Variants in PCDH1 observed in about 807,000 individuals in gnomAD.
The protein encoded by PCDH1 is protocadherin 1.
Under a neutral mutation model 74.6 loss-of-function variants are expected in PCDH1, and 23 were observed. The ratio of observed to expected loss-of-function variants is 0.31; its 90% CI spans 0.22 to 0.44. The LOEUF is 0.44. PCDH1 is among the 20% of genes least tolerant of loss of function. The probability of loss-of-function intolerance (pLI) is 1.00; values close to 1 mark genes in which losing one functional copy is unlikely to be tolerated. For missense variants in PCDH1, 1,214 were observed against 1,641.4 expected, an observed-to-expected ratio of 0.74 and a Z score of 4.50; for synonymous variants, 647 against 686.1, an observed-to-expected ratio of 0.94 and a Z score of 0.89.
Position 141,864,235 on chromosome 5 carries a change from A to G in PCDH1, c.2096T>C (p.Val699Ala), listed in dbSNP as rs769526137. 2 of 1,609,804 alleles carry G rather than the reference A, an allele frequency of 1.2e-6. No homozygotes were observed. The highest frequency in any genetic ancestry group is 1.7e-5 in the Admixed American group (1 of 59,930). ...DGGVPPRSAY[V>A]GVTINVLDEN... ...GTCCAGCACATTGATGGTGACACCA[A>G]CGTAAGCTGAGCGAGGTGGGACGCC... Residue 699 changes from valine to alanine, a missense_variant, in exon 3 of 5, where the codon GTT becomes GCT. By Grantham distance (64) the Val-to-Ala change is moderately conservative. This residue lies in a region of PCDH1 where 836 missense variants were observed against 1,182.2 expected (regional missense o/e 0.71). Coordinates refer to ENST00000287008, the MANE Select transcript of PCDH1 (RefSeq NM_032420.5). The surrounding 1 kb of genome is among the most constrained non-coding windows in gnomAD (Gnocchi z 5.9).
rs556594071 is a variant in PCDH1, at chr5:141,854,311, C to T, written c.3445G>A (p.Ala1149Thr). The T allele has an allele frequency of 1.3e-5, 21 of 1,613,474 alleles. No homozygotes were observed. The South Asian group carries it at 1.9e-4, about 14-fold the overall frequency. The change falls in exon 5 of 5, where the codon GCC becomes ACC. Residue 1149 changes from alanine to threonine, a missense_variant. Physicochemically the swap from Ala to Thr is moderately conservative, Grantham distance 58. Coordinates refer to ENST00000287008, the MANE Select transcript of PCDH1 (RefSeq NM_032420.5). ...GGCACGAAGGTGGAGAGTTTGAGGG[C>T]GCTGCTCTTGGTCCGGCGGCTGGGA... ...SSPSRRTKSS[A>T]LKLSTFVPYQ... is the part of the protein sequence containing the mutation.
Position 141,857,335 on chromosome 5 carries a change from A to T in PCDH1, c.3236T>A (p.Leu1079His). The change falls in exon 4 of 5, where the codon CTC becomes CAC. Residue 1079 changes from leucine (L) to histidine (H), a missense_variant. This residue lies in a region of PCDH1 where 836 missense variants were observed against 1,182.2 expected (regional missense o/e 0.71). Coordinates refer to ENST00000287008, the MANE Select transcript of PCDH1 (RefSeq NM_032420.5). The part of the protein sequence containing the change: ...PSSKSSSGPR[L>H]GPLALPEDHY... ...ATCCTCAGGCAGGGCCAGGGGACCG[A>T]GTCGAGGCCCTGAGGATGACTTGCT... 1.2e-6 allele frequency: 2 copies of T among 1,613,878 alleles called. No individual in the cohort carries two copies. The highest frequency in any genetic ancestry group is 1.7e-6 in the Non-Finnish European group (2 of 1,179,916).
At chr5:141,876,905 G>T (rs1753253797) in intron 1 of PCDH1, among the ~76,000 whole-genome samples, 1 of 152,246 alleles carries the variant, frequency 6.6e-6, no homozygotes, top group Non-Finnish European at 1.5e-5. Context: ...GGAACCTGGG[G>T]CCCCAGAGCT....
At chr5:141,854,484 C>A in intron 4 of PCDH1, 48 bp from the exon 5 acceptor site, 1 of 1,547,302 alleles carries the variant, frequency 6.5e-7, no homozygotes, top group South Asian at 1.2e-5. Context: ...ACAGCCTCTG[C>A]AAAGCTCTGC....
rs1302531365 is a variant in PCDH1, at chr5:141,853,955, G to A, written c.*87C>T. The A allele has an allele frequency of 8.2e-7, 1 of 1,225,742 alleles. No individual in the cohort carries two copies. Among genetic ancestry groups the A allele is most frequent in the African/African-American group, 1.5e-5 (1 of 65,948 alleles). The allele number at this position is 1,225,742 out of a possible 1,614,324, so 75.9% of individuals were successfully genotyped here. A position where few individuals can be genotyped will look rare whatever the true frequency, so the allele number is the denominator to read the frequency against. On this transcript the variant is annotated 3_prime_UTR_variant, in exon 5 of 5. Transcript: ENST00000287008. ...GGGCCCTGGCCAGGAAGTCCACGCTGAAGGGGTGGAGAGTGAGGCCCTGGA... is the reference window on the plus strand; with the variant it reads ...GGGCCCTGGCCAGGAAGTCCACGCTAAAGGGGTGGAGAGTGAGGCCCTGGA...
At chr5:141,872,707 A>C (rs1753123719) in intron 1 of PCDH1, among the ~76,000 whole-genome samples, 1 of 152,136 alleles carries the variant, frequency 6.6e-6, no homozygotes. Flanking sequence ...TCCGCTCCCC[A>C]CACGCTCTTT....
At position 141,865,134 on chromosome 5, in the gene PCDH1, A is replaced by G. The variant is rs150389579; in HGVS notation, c.1197T>C (p.Asp399=). Residue 399 remains aspartate (D), a synonymous_variant, in exon 3 of 5, where the codon GAT becomes GAC. Transcript: ENST00000287008. This position sits in a 1 kb window ranked among gnomAD's most constrained non-coding sequence, Gnocchi z 4.4. ...CATCCTCTGAGATGTTAGCCATCCCATCTTGATGAGTCACTAGCCCTATGC... is the reference window on the plus strand; with the variant it reads ...CATCCTCTGAGATGTTAGCCATCCCGTCTTGATGAGTCACTAGCCCTATGC... ...IRGIGLVTHQ[D]GMANISEDVA... is the part of the protein sequence containing the mutation. 3.1e-5 allele frequency: 50 copies of G among 1,614,062 alleles called. No homozygotes were observed. The African/African-American group carries it at 6.5e-4, about 21-fold the overall frequency.
At position 141,868,209 on chromosome 5, in the gene PCDH1, CT is replaced by C. The variant is rs571742843; in HGVS notation, c.903+359del. ...ACTCTCATCTCAGGAGAGATTCTACCTGGATAAACGGTGATTCCTTTGTTCC... is the reference window on the plus strand; with the variant it reads ...ACTCTCATCTCAGGAGAGATTCTACCGGATAAACGGTGATTCCTTTGTTCC... On this transcript the variant is annotated intron_variant, in intron 2 of 4. Transcript: ENST00000287008. The surrounding 1 kb of genome is among the most constrained non-coding windows in gnomAD (Gnocchi z 4.8). Among the ~76,000 whole-genome samples the C allele has an allele frequency of 1.3e-5, 2 of 152,180 alleles. No individual in the cohort carries two copies. The highest frequency in any genetic ancestry group is 1.3e-4 in the Admixed American group (2 of 15,278).
chr5:141,861,285 G>T (rs1326491672), intron 3 of PCDH1, among the ~76,000 whole-genome samples: 1 of 152,064 alleles, frequency 6.6e-6, no homozygotes, highest in Admixed American at 6.6e-5. Flanking sequence ...TTTCATCAGG[G>T]TCTAGTACCA....
At chr5:141,857,190 T>C in intron 4 of PCDH1, 62 bp downstream of exon 4, 10 of 1,367,178 alleles carry the variant, frequency 7.3e-6, no homozygotes, top group Non-Finnish European at 8.9e-6. Context: ...TTTAAGGCCT[T>C]GTCACCATTC....
intron 4 of PCDH1, 62 bp from the exon 5 acceptor site, chr5:141,854,498 A>G: frequency 3.3e-6 from 5 of 1,506,760 alleles, no homozygotes; most frequent in Admixed American, 4.0e-5. Flanking sequence ...GCTCTGCTTC[A>G]TGGCCTCCCA....
chr5:141,855,921 C>T (rs1752317314), intron 4 of PCDH1, among the ~76,000 whole-genome samples: 1 of 152,102 alleles, frequency 6.6e-6, no homozygotes. Context: ...CTGTCCCTGT[C>T]CTGCCCTTGC....
In PCDH1 at chr5:141,865,982, T is replaced by C; in HGVS notation, c.904-555A>G. 2 of 875,838 alleles carry C rather than the reference T, an allele frequency of 2.3e-6. No individual in the cohort carries two copies. Among genetic ancestry groups the C allele is most frequent in the Non-Finnish European group, 2.8e-6 (2 of 726,808 alleles). 54.3% of individuals were successfully genotyped at this position (875,838 alleles called of 1,614,324 possible). A position where few individuals can be genotyped will look rare whatever the true frequency, so the allele number is the denominator to read the frequency against. On this transcript the variant is annotated intron_variant, in intron 2 of 4. Coordinates refer to ENST00000287008, the MANE Select transcript of PCDH1 (RefSeq NM_032420.5). The surrounding 1 kb of genome is among the most constrained non-coding windows in gnomAD (Gnocchi z 4.4). ...ATATGTGTTTGTATGTGTATGATTGTGTCAGAATGTGTGATTATGTGTGAT... is the reference window on the plus strand; with the variant it reads ...ATATGTGTTTGTATGTGTATGATTGCGTCAGAATGTGTGATTATGTGTGAT...
intron 1 of PCDH1, among the ~76,000 whole-genome samples, chr5:141,871,709 G>A (rs1490307402): frequency 1.3e-5 from 2 of 152,226 alleles, no homozygotes; most frequent in Non-Finnish European, 2.9e-5. Flanking sequence ...AAGCAGGAGA[G>A]TTTCTACTTT....
chr5:141,869,001 T>C lies in PCDH1; in HGVS notation c.471A>G (p.Glu157=). Residue 157 remains glutamate (E), a synonymous_variant, in exon 2 of 5, where the codon GAA becomes GAG. Transcript: ENST00000287008. The surrounding 1 kb of genome is among the most constrained non-coding windows in gnomAD (Gnocchi z 4.9). ...GTGTGTTGTCATTGATGTCTTGTAC[T>C]TCTATCTGGCCCTCTAGCAGCCGGG... The part of the protein sequence containing the change: ...GSPRLLEGQI[E]VQDINDNTPN... The C allele has an allele frequency of 6.2e-7, 1 of 1,614,164 alleles. No homozygotes were observed. The highest frequency in any genetic ancestry group is 8.5e-7 in the Non-Finnish European group (1 of 1,180,022).
chr5:141,858,053 C>T (rs919309744), intron 3 of PCDH1, among the ~76,000 whole-genome samples: 9 of 152,212 alleles, frequency 5.9e-5, no homozygotes, highest in Non-Finnish European at 8.8e-5. Flanking sequence ...CAAACTCCAG[C>T]TCCTCACCTG....
intron 1 of PCDH1, among the ~76,000 whole-genome samples, chr5:141,871,092 G>A: frequency 6.6e-6 from 1 of 152,224 alleles, no homozygotes; most frequent in East Asian, 1.9e-4. Context: ...GTGTTGTTCA[G>A]CTTCAGTATT....
intron 1 of PCDH1, among the ~76,000 whole-genome samples, chr5:141,870,535 T>G (rs1400905239): frequency 1.3e-5 from 2 of 151,938 alleles, no homozygotes; most frequent in African/African-American, 4.8e-5. Context: ...CCCTGGCCAC[T>G]CCCCCACCCC....
rs775247517 is a variant in PCDH1, at chr5:141,865,214, C to T, written c.1117G>A (p.Val373Met). 3 of 1,614,206 alleles carry T rather than the reference C, an allele frequency of 1.9e-6. No individual in the cohort carries two copies. The highest frequency in any genetic ancestry group is 2.5e-6 in the Non-Finnish European group (3 of 1,180,046). The change falls in exon 3 of 5, where the codon GTG becomes ATG. Residue 373 changes from valine to methionine, a missense_variant. Val to Met is a conservative substitution (Grantham distance 21). Coordinates refer to ENST00000287008, the MANE Select transcript of PCDH1 (RefSeq NM_032420.5). The surrounding 1 kb of genome is among the most constrained non-coding windows in gnomAD (Gnocchi z 4.4). Reference sequence around the variant, plus strand: ...TTCATGTCCTTCACGGTCACAACCACCTGGGCACGGGCACTCTTGGGGTTG... The same window carrying T: ...TTCATGTCCTTCACGGTCACAACCATCTGGGCACGGGCACTCTTGGGGTTG... ...GTNPKSARAQ[V>M]VVTVKDMNDN...
Sources: gnomAD v4.1 joint callset for allele counts (sites outside exome capture counted in the v4.1 genomes callset) on GRCh38, gnomAD v4.1.1 for gene constraint, gnomAD v4.1.1 regional missense constraint, Gnocchi (gnomAD v3.1) non-coding constraint, MANE v1.5 for transcripts, NCBI Gene and HGNC (gene_info 2026-07-23, HGNC 2026-07-21) for gene names.